Variants in SRP54 observed in about 807,000 individuals in gnomAD.
The protein encoded by SRP54 is signal recognition particle 54.
In SRP54, 10 loss-of-function variants were observed where a neutral mutation model predicts 64.8. The ratio of observed to expected loss-of-function variants is 0.15; its 90% CI spans 0.10 to 0.26. The LOEUF (loss-of-function observed/expected upper bound fraction) is 0.26, where lower values mean the gene tolerates loss of function less well. Ranked by LOEUF, SRP54 falls within the 10% of genes least tolerant of loss-of-function variation. The pLI is 1.00. For missense variants in SRP54, 325 were observed against 613.7 expected (o/e 0.53, Z 4.97); for synonymous variants, 193 against 185.6 (o/e 1.04, Z -0.32).
chr14:35,012,368 T>C (rs1268088635), intron 8 of SRP54, among the ~76,000 whole-genome samples: 1 of 152,140 alleles, frequency 6.6e-6, no homozygotes, highest in African/African-American at 2.4e-5. Context: ...TGGAAACAAT[T>C]TGGGGGAGGA....
At chr14:35,026,868 G>A (rs1404269164) in intron 14 of SRP54, among the ~76,000 whole-genome samples, 1 of 152,040 alleles carries the variant, frequency 6.6e-6, no homozygotes, top group Non-Finnish European at 1.5e-5. Context: ...GTGTGAACCC[G>A]GGAGGCGGGG....
chr14:35,002,247 C>G (rs1474728994), intron 4 of SRP54, among the ~76,000 whole-genome samples: 1 of 151,200 alleles, frequency 6.6e-6, no homozygotes, highest in Non-Finnish European at 1.5e-5. Context: ...CCAGCTACTC[C>G]GGAGGGTGAG....
chr14:35,010,470 A>T (rs1054949082), intron 7 of SRP54, among the ~76,000 whole-genome samples: 2 of 152,072 alleles, frequency 1.3e-5, no homozygotes, highest in Non-Finnish European at 2.9e-5. Flanking sequence ...AAATAAATTT[A>T]AAAAAGAAAT....
In SRP54 at chr14:34,999,009, GT is replaced by G. The variant is rs2044126349; in HGVS notation, c.79-548del. On this transcript the variant is annotated intron_variant, in intron 2 of 15. Coordinates refer to ENST00000216774, the MANE Select transcript of SRP54 (RefSeq NM_003136.4). ...TGTGTGTGTGTGTGTGTGTGTGTGT[GT>G]GTGGTTTTTTTTTTTTTTTTTTGAG... Among the ~76,000 whole-genome samples the G allele has an allele frequency of 7.5e-3, 419 of 56,002 alleles. 1 individual carries two copies. The highest frequency in any genetic ancestry group is 0.021 in the African/African-American group (366 of 17,708). 36.7% of individuals were successfully genotyped at this position (56,002 alleles called of 152,430 possible).
At chr14:35,010,065 T>G (rs1193700375) in intron 7 of SRP54, among the ~76,000 whole-genome samples, 1 of 151,648 alleles carries the variant, frequency 6.6e-6, no homozygotes, top group African/African-American at 2.4e-5. Context: ...GAAGAATCGC[T>G]TGAATCTGGG....
chr14:35,008,883 GCTTTT>G, intron 7 of SRP54, 52 bp downstream of exon 7: 1 of 847,360 alleles, frequency 1.2e-6, no homozygotes, highest in Non-Finnish European at 1.7e-6. Flanking sequence ...TTGTCTGTCA[GCTTTT>G]TTTTTTTTTT....
At chr14:35,024,417 A>C (rs1443981172) in intron 14 of SRP54, among the ~76,000 whole-genome samples, 2 of 152,004 alleles carry the variant, frequency 1.3e-5, no homozygotes, top group Non-Finnish European at 2.9e-5. Context: ...ACTGGTTTGA[A>C]TTTACTTTGT....
At chr14:34,988,805 TG>T (rs1388378842) in intron 1 of SRP54, among the ~76,000 whole-genome samples, 1 of 151,648 alleles carries the variant, frequency 6.6e-6, no homozygotes, top group Admixed American at 6.6e-5. Flanking sequence ...TCTTGCTATC[TG>T]GGGGGGATTG....
chr14:35,019,134 T>A, intron 13 of SRP54, 60 bp downstream of exon 13: 1 of 1,167,564 alleles, frequency 8.6e-7, no homozygotes, highest in South Asian at 1.3e-5. Context: ...AAGATGAGAG[T>A]TTCACTGTAT....
chr14:34,999,417 A>G, intron 2 of SRP54, 141 bp from the exon 3 acceptor site: 1 of 533,720 alleles, frequency 1.9e-6, no homozygotes, highest in Non-Finnish European at 3.3e-6. Context: ...ATTTAATAAA[A>G]TTATCTCTCC....
chr14:34,987,226 A>G (rs1213215711), intron 1 of SRP54, among the ~76,000 whole-genome samples: 10 of 64,362 alleles, frequency 1.6e-4, no homozygotes, highest in African/African-American at 4.3e-4. Context: ...GAGACACTAC[A>G]TCTGAAAAAA....
chr14:35,019,178 A>C (rs2044486960), intron 13 of SRP54, 104 bp downstream of exon 13: 1 of 761,556 alleles, frequency 1.3e-6, no homozygotes, highest in Non-Finnish European at 2.2e-6. Flanking sequence ...ATTTAGCCTG[A>C]AAGATTATTT....
chr14:35,013,661 C>G (rs942313418), intron 9 of SRP54, 141 bp from the exon 10 acceptor site: 1 of 1,042,236 alleles, frequency 9.6e-7, no homozygotes, highest in African/African-American at 1.6e-5. Flanking sequence ...TGATATAGGT[C>G]TATTATAACT....
intron 2 of SRP54, among the ~76,000 whole-genome samples, chr14:34,998,154 G>A (rs2044099718): frequency 6.6e-6 from 1 of 152,166 alleles, no homozygotes; most frequent in Non-Finnish European, 1.5e-5. Flanking sequence ...CATATGAAGT[G>A]AGTTGAAGGA....
chr14:34,999,189 A>T (rs1289092138), intron 2 of SRP54, among the ~76,000 whole-genome samples: 1 of 151,216 alleles, frequency 6.6e-6, no homozygotes, highest in Non-Finnish European at 1.5e-5. Context: ...TCATTTTTGT[A>T]TTTTTAGTAG....
chr14:35,000,579 AAAAG>A (rs968553281), intron 3 of SRP54, among the ~76,000 whole-genome samples: 33 of 151,766 alleles, frequency 2.2e-4, no homozygotes, highest in African/African-American at 7.5e-4. Flanking sequence ...AAAAAAAGAA[AAAAG>A]AAAGAAAAGA....
rs1040540034 is a variant in SRP54 at position 35,029,202 on chromosome 14, G to A, written c.*50G>A. On this transcript the variant is annotated 3_prime_UTR_variant, in exon 16 of 16. Transcript: ENST00000216774. ...CTCAGTTGAATACCTAATTTGCTGA[G>A]ACCTCAGCGTTTCCCTTCTTTTTGC... The A allele has an allele frequency of 6.8e-7, 1 of 1,468,768 alleles. No individual in the cohort carries two copies. The highest frequency in any genetic ancestry group is 9.4e-7 in the Non-Finnish European group (1 of 1,061,964). The allele number at this position is 1,468,768 out of a possible 1,614,324, so 91.0% of individuals were successfully genotyped here. A position where few individuals can be genotyped will look rare whatever the true frequency, so the allele number is the denominator to read the frequency against.
At chr14:35,018,197 T>C (rs552667301) in intron 11 of SRP54, among the ~76,000 whole-genome samples, 21 of 152,254 alleles carry the variant, frequency 1.4e-4, no homozygotes, top group Non-Finnish European at 2.8e-4. Flanking sequence ...GTTGTACTTA[T>C]CTATAGTTTG....
At chr14:34,995,447 G>C (rs2044057376) in intron 1 of SRP54, among the ~76,000 whole-genome samples, 1 of 152,028 alleles carries the variant, frequency 6.6e-6, no homozygotes, top group Non-Finnish European at 1.5e-5. Flanking sequence ...TGATGTCCCT[G>C]TTAGCAGTCA....
Sources: allele counts gnomAD v4.1 joint callset (sites outside exome capture counted in the v4.1 genomes callset), GRCh38; gene constraint gnomAD v4.1.1; transcripts MANE v1.5; gene names NCBI Gene and HGNC (gene_info 2026-07-23, HGNC 2026-07-21).